REC114: variants seen among roughly 807,000 people sequenced by gnomAD.
REC114 encodes the protein REC114 meiotic recombination protein.
Under a neutral mutation model 31.3 loss-of-function variants are expected in REC114, and 27 were observed. The observed-to-expected ratio is 0.86, with a 90% CI of 0.64 to 1.19. The LOEUF is 1.19. Ranked by LOEUF, REC114 falls within the 50% of genes most tolerant of loss-of-function variation. The pLI, the probability that REC114 is intolerant of heterozygous loss-of-function variation, is 0.00. For missense variants in REC114, 344 were observed against 326.9 expected (o/e 1.05, Z -0.40); for synonymous variants, 134 against 127.7 (o/e 1.05, Z -0.33).
chr15:73,455,045 T>G (rs917991267), intron 1 of REC114, among the ~76,000 whole-genome samples: 2 of 152,234 alleles, frequency 1.3e-5, no homozygotes, highest in Admixed American at 1.3e-4. Context: ...AAACTGAACA[T>G]TTGTACCTTC....
At chr15:73,469,711 G>A (rs1196605483) in intron 1 of REC114, among the ~76,000 whole-genome samples, 14 of 119,340 alleles carry the variant, frequency 1.2e-4, no homozygotes, top group East Asian at 2.4e-4. Flanking sequence ...TTAAGACTCC[G>A]TCTCCCTCCT....
intron 3 of REC114, among the ~76,000 whole-genome samples, chr15:73,547,749 C>T (rs192838907): frequency 2.0e-5 from 3 of 152,212 alleles, no homozygotes; most frequent in East Asian, 1.9e-4. Context: ...AACTGGCTAG[C>T]CATACACAGA....
chr15:73,450,455 C>T (rs28860194), intron 1 of REC114, among the ~76,000 whole-genome samples: 7,119 of 152,112 alleles, frequency 0.047, 273 homozygotes, highest in African/African-American at 0.11. Context: ...TATATATGCA[C>T]CCAATACAGG....
chr15:73,545,754 C>T (rs1416921856), intron 3 of REC114, among the ~76,000 whole-genome samples: 5 of 152,094 alleles, frequency 3.3e-5, no homozygotes, highest in Admixed American at 6.6e-5. Flanking sequence ...CAGGTTTTTG[C>T]CCTGCTTGTA....
intron 2 of REC114, among the ~76,000 whole-genome samples, chr15:73,498,587 A>T (rs1893559850): frequency 6.6e-6 from 1 of 152,190 alleles, no homozygotes. Context: ...TTGAACTTCA[A>T]ATATCCAGGG....
At chr15:73,482,534 C>T (rs1258203652) in intron 2 of REC114, among the ~76,000 whole-genome samples, 1 of 152,214 alleles carries the variant, frequency 6.6e-6, no homozygotes, top group Non-Finnish European at 1.5e-5. Flanking sequence ...ATAAATTACC[C>T]AGCCTCAGGT....
At chr15:73,518,797 AG>A in intron 2 of REC114, among the ~76,000 whole-genome samples, 1 of 152,346 alleles carries the variant, frequency 6.6e-6, no homozygotes. Flanking sequence ...TATACTTTAT[AG>A]GTAATCTTTT....
At chr15:73,522,182 A>G (rs903229557) in intron 2 of REC114, among the ~76,000 whole-genome samples, 3 of 152,068 alleles carry the variant, frequency 2.0e-5, no homozygotes, top group South Asian at 2.1e-4. Flanking sequence ...TCAGCCATAT[A>G]TGGAATGGTT....
At chr15:73,508,115 A>G (rs1308507762) in intron 2 of REC114, among the ~76,000 whole-genome samples, 1 of 152,098 alleles carries the variant, frequency 6.6e-6, no homozygotes, top group Non-Finnish European at 1.5e-5. Flanking sequence ...CTAAACTACA[A>G]GCTCTCTGAG....
At chr15:73,522,684 A>G (rs547614550) in intron 2 of REC114, among the ~76,000 whole-genome samples, 3 of 152,206 alleles carry the variant, frequency 2.0e-5, no homozygotes, top group Non-Finnish European at 4.4e-5. Flanking sequence ...TCCAATACAT[A>G]TTCATGGACA....
chr15:73,559,700 C>T, intron 5 of REC114, 52 bp from the exon 6 acceptor site: 2 of 1,454,742 alleles, frequency 1.4e-6, no homozygotes, highest in South Asian at 3.1e-5. Flanking sequence ...TTCTATTAGC[C>T]AGGTATTGCT....
chr15:73,499,078 T>C (rs1198644364), intron 2 of REC114, among the ~76,000 whole-genome samples: 1 of 152,052 alleles, frequency 6.6e-6, no homozygotes, highest in Admixed American at 6.5e-5. Context: ...CCCCATGTCA[T>C]TGGTCTACCA....
chr15:73,559,693 T>TATTA, intron 5 of REC114, 59 bp from the exon 6 acceptor site: 1 of 1,442,278 alleles, frequency 6.9e-7, no homozygotes, highest in Non-Finnish European at 9.2e-7. Context: ...GCCTGTGTTC[T>TATTA]ATTAGCCAGG....
chr15:73,473,153 G>T (rs1350792457), intron 1 of REC114, among the ~76,000 whole-genome samples: 1 of 152,162 alleles, frequency 6.6e-6, no homozygotes, highest in Non-Finnish European at 1.5e-5. Flanking sequence ...ACTTTGGGAG[G>T]CTGAGGTGGG....
At chr15:73,463,050 AAAG>A (rs1248601741) in intron 1 of REC114, among the ~76,000 whole-genome samples, 10 of 152,174 alleles carry the variant, frequency 6.6e-5, no homozygotes, top group Non-Finnish European at 7.3e-5. Flanking sequence ...GGACTTTAAA[AAAG>A]CATAACCATA....
Position 73,556,371 on chromosome 15 carries a change from T to G in REC114, c.616T>G (p.Ser206Ala). The G allele has an allele frequency of 6.2e-7, 1 of 1,613,698 alleles. No homozygotes were observed. The highest frequency in any genetic ancestry group is 8.5e-7 in the Non-Finnish European group (1 of 1,179,734). Residue 206 changes from serine (S) to alanine (A), a missense_variant, in exon 5 of 6, where the codon TCA becomes GCA. By Grantham distance (99) the Ser-to-Ala change is moderately conservative. Transcript: ENST00000331090. Reference protein sequence around the residue: ...AGTGAPDGRTSLTQLAQTLLA... With the variant: ...AGTGAPDGRTALTQLAQTLLA... ...CACAGGCGCTCCAGACGGAAGGACC[T>G]CACTGACGCAGTTAGCTCAGGTAGA... is the stretch of plus-strand genomic sequence containing the variant.
intron 2 of REC114, among the ~76,000 whole-genome samples, chr15:73,519,480 A>G (rs1893905887): frequency 6.6e-6 from 1 of 152,236 alleles, no homozygotes; most frequent in Non-Finnish European, 1.5e-5. Flanking sequence ...ATGGACTAAG[A>G]CAGTTGGCAA....
At chr15:73,515,650 T>C (rs1893848939) in intron 2 of REC114, among the ~76,000 whole-genome samples, 1 of 152,054 alleles carries the variant, frequency 6.6e-6, no homozygotes, top group South Asian at 2.1e-4. Flanking sequence ...GAAATCTCTC[T>C]CCCTTCTCTT....
chr15:73,532,216 T>C (rs1894095722), intron 2 of REC114, among the ~76,000 whole-genome samples: 1 of 151,064 alleles, frequency 6.6e-6, no homozygotes, highest in Non-Finnish European at 1.5e-5. Context: ...TTCCCACCTA[T>C]GAGTGAGAAT....
Sources: gnomAD v4.1 joint callset for allele counts (sites outside exome capture counted in the v4.1 genomes callset) on GRCh38, gnomAD v4.1.1 for gene constraint, MANE v1.5 for transcripts, NCBI Gene and HGNC (gene_info 2026-07-23, HGNC 2026-07-21) for gene names.